PDE4D: variants seen among roughly 807,000 people sequenced by gnomAD.
The protein encoded by PDE4D is phosphodiesterase 4D.
PDE4D carries 24 observed loss-of-function variants against 87.4 expected under a neutral mutation model. The ratio of observed to expected loss-of-function variants is 0.27; its 90% CI spans 0.20 to 0.39. The LOEUF (loss-of-function observed/expected upper bound fraction) is 0.39. Among genes scored for constraint, PDE4D ranks in the 10% least tolerant of loss-of-function variants. PDE4D has a pLI of 1.00. For missense variants in PDE4D, 714 were observed against 1,041.0 expected (o/e 0.69, Z 4.32); for synonymous variants, 384 against 383.2 (o/e 1.00, Z -0.02).
At chr5:59,874,094 G>A (rs936799749) in intron 1 of PDE4D, among the ~76,000 whole-genome samples, 1 of 151,936 alleles carries the variant, frequency 6.6e-6, no homozygotes, top group Non-Finnish European at 1.5e-5. Flanking sequence ...GGCTCCCTAC[G>A]CAGGAGGCTG....
intron 1 of PDE4D, among the ~76,000 whole-genome samples, chr5:59,734,174 C>A (rs576911968): frequency 6.6e-6 from 1 of 152,174 alleles, no homozygotes; most frequent in African/African-American, 2.4e-5. Context: ...ACCTCCAACC[C>A]AGGTACTGGT....
At position 59,623,705 on chromosome 5, in the gene PDE4D, G is replaced by A. The variant is rs558792297; in HGVS notation, c.455+269463C>T. 6.6e-5 allele frequency among the ~76,000 whole-genome samples: 10 copies of A among 152,102 alleles called. No homozygotes were observed. In the South Asian group the frequency reaches 8.3e-4, roughly 13 times the overall value. ...TTCTGTACCTTCTAGACTGTTGAGC[G>A]TTACTAGAAAAAAAGATTAGTCATC... is the stretch of plus-strand genomic sequence containing the variant. On this transcript the variant is annotated intron_variant, in intron 1 of 14. Transcript: ENST00000340635.
chr5:59,839,310 CA>C (rs1742620898), intron 1 of PDE4D, among the ~76,000 whole-genome samples: 1 of 151,820 alleles, frequency 6.6e-6, no homozygotes. Context: ...GAGAGAAGAC[CA>C]ATATTTAATT....
At chr5:59,161,045 G>A (rs10038299) in intron 5 of PDE4D, among the ~76,000 whole-genome samples, 56,577 of 151,994 alleles carry the variant, frequency 0.37, 11,195 homozygotes, top group Middle Eastern at 0.46. Context: ...GCAGTGAGCC[G>A]AATTGCGCCA....
intron 1 of PDE4D, among the ~76,000 whole-genome samples, chr5:59,607,732 A>T (rs772789935): frequency 6.6e-6 from 1 of 152,092 alleles, no homozygotes; most frequent in Non-Finnish European, 1.5e-5. Context: ...TCAAGATGGT[A>T]GGATACAAGG....
chr5:59,556,224 G>C (rs889955745), intron 1 of PDE4D, among the ~76,000 whole-genome samples: 2 of 152,176 alleles, frequency 1.3e-5, no homozygotes, highest in Non-Finnish European at 2.9e-5. Context: ...ATCTGAGACA[G>C]AGTATCTCTT....
chr5:59,123,561 C>T (rs1473573605), intron 5 of PDE4D, among the ~76,000 whole-genome samples: 1 of 152,116 alleles, frequency 6.6e-6, no homozygotes, highest in Non-Finnish European at 1.5e-5. Flanking sequence ...CCCTCCAGTC[C>T]ATTTAAAATA....
chr5:60,405,802 A>G (rs1309364352), intron 1 of PDE4D, among the ~76,000 whole-genome samples: 1 of 152,256 alleles, frequency 6.6e-6, no homozygotes, highest in Non-Finnish European at 1.5e-5. Flanking sequence ...ATTATTCCCA[A>G]TGTATAGATC....
chr5:59,559,144 T>C (rs1278765639), intron 1 of PDE4D, among the ~76,000 whole-genome samples: 1 of 152,220 alleles, frequency 6.6e-6, no homozygotes, highest in Non-Finnish European at 1.5e-5. Flanking sequence ...ATGAGTCTAT[T>C]AGCAACAACA....
intron 1 of PDE4D, among the ~76,000 whole-genome samples, chr5:59,716,301 T>G (rs1033070056): frequency 1.3e-5 from 2 of 152,254 alleles, no homozygotes; most frequent in African/African-American, 4.8e-5. Flanking sequence ...ACATACATCT[T>G]GCGCTCATGG....
chr5:60,033,113 G>C (rs540989607), intron 2 of PDE4D: 1 of 152,218 alleles, frequency 6.6e-6, no homozygotes, highest in South Asian at 2.1e-4. Flanking sequence ...ACTTTTAATT[G>C]AGTTTTTACT....
intron 2 of PDE4D, among the ~76,000 whole-genome samples, chr5:60,111,806 A>G (rs1777718419): frequency 6.6e-6 from 1 of 152,000 alleles, no homozygotes; most frequent in Non-Finnish European, 1.5e-5. Flanking sequence ...TTAATACAAT[A>G]AAAACCTAAA....
chr5:59,952,477 A>G (rs1458101906), intron 3 of PDE4D, among the ~76,000 whole-genome samples: 1 of 152,150 alleles, frequency 6.6e-6, no homozygotes, highest in Non-Finnish European at 1.5e-5. Context: ...CCCATAGCAT[A>G]TTATATTTTC....
intron 5 of PDE4D, among the ~76,000 whole-genome samples, chr5:59,089,057 C>T (rs540393533): frequency 8.5e-5 from 13 of 152,324 alleles, no homozygotes; most frequent in African/African-American, 2.6e-4. Context: ...AGCCTTATTA[C>T]GCCTTTAGGG....
chr5:59,258,206 A>G (rs368343946), intron 1 of PDE4D, among the ~76,000 whole-genome samples: 179 of 151,928 alleles, frequency 1.2e-3, no homozygotes, highest in African/African-American at 4.2e-3. Context: ...TCAGTTCTCA[A>G]CTTCCCTGAC....
intron 2 of PDE4D, among the ~76,000 whole-genome samples, chr5:60,126,524 A>G (rs1779137864): frequency 6.6e-6 from 1 of 152,206 alleles, no homozygotes; most frequent in South Asian, 2.1e-4. Flanking sequence ...GATATGTTCA[A>G]GGCAGTCTTA....
chr5:59,429,925 A>C (rs1424966608), intron 1 of PDE4D, among the ~76,000 whole-genome samples: 1 of 152,194 alleles, frequency 6.6e-6, no homozygotes, highest in African/African-American at 2.4e-5. Flanking sequence ...AAGGAATGTC[A>C]CATGTAGATT....
intron 2 of PDE4D, among the ~76,000 whole-genome samples, chr5:60,158,772 T>C (rs1782214273): frequency 6.6e-6 from 1 of 152,148 alleles, no homozygotes; most frequent in South Asian, 2.1e-4. Flanking sequence ...GGTTTCACCG[T>C]GCTAGCCAGA....
intron 2 of PDE4D, among the ~76,000 whole-genome samples, chr5:60,006,987 CTT>C (rs994077602): frequency 6.6e-6 from 1 of 151,802 alleles, no homozygotes; most frequent in African/African-American, 2.4e-5. Flanking sequence ...GGGCTTTAGA[CTT>C]TTTATTTTCC....
Sources: gnomAD v4.1 joint callset for allele counts (sites outside exome capture counted in the v4.1 genomes callset) on GRCh38, gnomAD v4.1.1 for gene constraint, MANE v1.5 for transcripts, NCBI Gene and HGNC (gene_info 2026-07-23, HGNC 2026-07-21) for gene names.